Variants in STK25 observed in about 807,000 individuals in gnomAD.
The protein encoded by STK25 is serine/threonine-protein kinase 25.
Under a neutral mutation model 53.8 loss-of-function variants are expected in STK25, and 29 were observed. That is an observed-to-expected ratio of 0.54 (90% CI 0.40 to 0.74). The LOEUF (loss-of-function observed/expected upper bound fraction) is 0.74. STK25 is among the 30% of genes least tolerant of loss of function. The pLI is 0.00. For synonymous variants in STK25, 247 were observed against 238.3 expected (o/e 1.04, Z -0.33); for missense variants, 420 against 568.0 (o/e 0.74, Z 2.65).
At position 241,493,674 on chromosome 2, in the gene STK25, A is replaced by G. The variant is rs977527855; in HGVS notation, c.*1988T>C. On this transcript the variant is annotated 3_prime_UTR_variant, in exon 12 of 12. Coordinates refer to ENST00000316586, the MANE Select transcript of STK25 (RefSeq NM_001271977.2). Reference sequence around the variant, plus strand: ...CAGTGATACAATCTTGGCTCACTATAACCTGCACCTCCAGGGTTCAAGCGA... The same window carrying G: ...CAGTGATACAATCTTGGCTCACTATGACCTGCACCTCCAGGGTTCAAGCGA... The G allele has an allele frequency of 1.8e-6, 1 of 561,824 alleles. No homozygotes were observed. The highest frequency in any genetic ancestry group is 1.9e-5 in the African/African-American group (1 of 53,016). The allele number at this position is 561,824 out of a possible 1,614,324, so 34.8% of individuals were successfully genotyped here.
Position 241,496,098 on chromosome 2 carries a change from G to T in STK25, c.1241+300C>A, listed in dbSNP as rs1014474676. 2.6e-5 allele frequency among the ~76,000 whole-genome samples: 4 copies of T among 152,172 alleles called. No homozygotes were observed. Among genetic ancestry groups the T allele is most frequent in the African/African-American group, 9.7e-5 (4 of 41,446 alleles). On this transcript the variant is annotated intron_variant, in intron 11 of 11. Coordinates refer to ENST00000316586, the MANE Select transcript of STK25 (RefSeq NM_001271977.2). The surrounding 1 kb of genome is among the most constrained non-coding windows in gnomAD (Gnocchi z 5.8). ...CAGAGTAGCTCCCGGGAGCCACCAG[G>T]TGGAGGGGCAGAGGCCAGCTGAGGA... is the stretch of plus-strand genomic sequence containing the variant.
rs2065493216 is a variant in STK25 at position 241,501,253 on chromosome 2, C to G, written c.261+225G>C. ...CCCAGAGTGCTCCTAGCAGCGCCCT[C>G]ACTGCATTACCACAGGCAGGCAAGT... On this transcript the variant is annotated intron_variant, in intron 3 of 11. Coordinates refer to ENST00000316586, the MANE Select transcript of STK25 (RefSeq NM_001271977.2). The surrounding 1 kb of genome is among the most constrained non-coding windows in gnomAD (Gnocchi z 5.3). The G allele has an allele frequency of 1.6e-6, 1 of 610,452 alleles. No individual in the cohort carries two copies. The highest frequency in any genetic ancestry group is 3.0e-6 in the Non-Finnish European group (1 of 336,914). The allele number at this position is 610,452 out of a possible 1,614,324, so 37.8% of individuals were successfully genotyped here.
In STK25 at chr2:241,496,511, G is replaced by A. The variant is rs765575537; in HGVS notation, c.1128C>T (p.Ser376=). ...CCTCCAGCGCACCCACGCTCCCGCC[G>A]CTCTGCTTGTGCTTCTCTTTGAGCT... The part of the protein sequence containing the change: ...FGELKEKHKQ[S]GGSVGALEEL... The change falls in exon 11 of 12, where the codon AGC becomes AGT. Residue 376 remains serine, a synonymous_variant. Coordinates refer to ENST00000316586, the MANE Select transcript of STK25 (RefSeq NM_001271977.2). The surrounding 1 kb of genome is among the most constrained non-coding windows in gnomAD (Gnocchi z 5.8). The A allele has an allele frequency of 6.2e-6, 10 of 1,613,464 alleles. No homozygotes were observed. The highest frequency in any genetic ancestry group is 1.3e-5 in the African/African-American group (1 of 74,862).
intron 1 of STK25, 27 bp downstream of exon 1, chr2:241,508,416 A>T (rs935477801): frequency 8.6e-5 from 89 of 1,036,780 alleles, no homozygotes; most frequent in Non-Finnish European, 9.9e-5. Flanking sequence ...CAATCGCCGC[A>T]AGCGCCCCGC....
chr2:241,496,691 A>G lies in STK25; in HGVS notation c.1105-157T>C. The G allele has an allele frequency of 1.3e-6, 1 of 784,614 alleles. No individual in the cohort carries two copies. Among genetic ancestry groups the G allele is most frequent in the Non-Finnish European group, 2.0e-6 (1 of 508,102 alleles). 48.6% of individuals were successfully genotyped at this position (784,614 alleles called of 1,614,324 possible). On this transcript the variant is annotated intron_variant, in intron 10 of 11. Coordinates refer to ENST00000316586, the MANE Select transcript of STK25 (RefSeq NM_001271977.2). This position sits in a 1 kb window ranked among gnomAD's most constrained non-coding sequence, Gnocchi z 5.8. ...AGCAAGCCGGGAAGTGAGGTGGCCC[A>G]AGGAAGCCTCTGCCCCTGCCCTGCC...
rs938409171 is a variant in STK25, at chr2:241,495,358, G to C, written c.*304C>G. 1 of 402,026 alleles carries C rather than the reference G, an allele frequency of 2.5e-6. No individual in the cohort carries two copies. Among genetic ancestry groups the C allele is most frequent in the Non-Finnish European group, 4.6e-6 (1 of 216,706 alleles). 24.9% of individuals were successfully genotyped at this position (402,026 alleles called of 1,614,324 possible). ...GGCCATAGGGCTGCATGAGTCTGCA[G>C]AAGACCCAGGCGTAGCTCATGAGGG... is the stretch of plus-strand genomic sequence containing the variant. On this transcript the variant is annotated 3_prime_UTR_variant, in exon 12 of 12. Transcript: ENST00000316586.
Position 241,499,402 on chromosome 2 carries a change from AGCAC to A in STK25, c.436_439del (p.Val146TyrfsTer8), listed in dbSNP as rs1402421674. On this transcript the variant is annotated frameshift_variant, in exon 6 of 12. Coordinates refer to ENST00000316586, the MANE Select transcript of STK25 (RefSeq NM_001271977.2). LOFTEE classifies it high-confidence loss of function. Reference sequence around the variant, plus strand: ...CTTCACGTCACCCTGCTCCGAGAGTAGCACGTTGGCAGCTGCTTGACACAGGACA... The same window carrying A: ...CTTCACGTCACCCTGCTCCGAGAGTAGTTGGCAGCTGCTTGACACAGGACA... The A allele has an allele frequency of 6.2e-7, 1 of 1,613,738 alleles. No individual in the cohort carries two copies. Among genetic ancestry groups the A allele is most frequent in the Admixed American group, 1.7e-5 (1 of 59,988 alleles).
Position 241,499,793 on chromosome 2 carries a change from C to T in STK25, c.428-379G>A, listed in dbSNP as rs188797917. On this transcript the variant is annotated intron_variant, in intron 5 of 11. Coordinates refer to ENST00000316586, the MANE Select transcript of STK25 (RefSeq NM_001271977.2). ...CGTCCCCTACATGACAGAGATGGCT[C>T]GTTGCCAGTGGCAAGTCCCTCCCCA... is the stretch of plus-strand genomic sequence containing the variant. 13 of 459,304 alleles carry T rather than the reference C, an allele frequency of 2.8e-5. No homozygotes were observed. The East Asian group carries it at 3.6e-4, about 13-fold the overall frequency. The allele number at this position is 459,304 out of a possible 1,614,324, so 28.5% of individuals were successfully genotyped here. A position where few individuals can be genotyped will look rare whatever the true frequency, so the allele number is the denominator to read the frequency against.
intron 2 of STK25, among the ~76,000 whole-genome samples, chr2:241,507,239 C>A (rs1193548416): frequency 6.6e-6 from 1 of 152,176 alleles, no homozygotes. Flanking sequence ...AGTCCCCAGG[C>A]CCCAGGTTGG....
Position 241,498,284 on chromosome 2 carries a change from C to G in STK25, c.983G>C (p.Ser328Thr), listed in dbSNP as rs1441292661. 3.7e-6 allele frequency: 6 copies of G among 1,606,694 alleles called. No individual in the cohort carries two copies. The Admixed American group carries it at 1.0e-4, about 27-fold the overall frequency. Residue 328 changes from serine (S) to threonine (T), a missense_variant, in exon 9 of 12, where the codon AGT becomes ACT. Coordinates refer to ENST00000316586, the MANE Select transcript of STK25 (RefSeq NM_001271977.2). ...IWTFPPTIRP[S>T]PHSKLHKGTA... ...CCCCTTGTGAAGCTTGCTGTGTGGACTCGGCCGGATGGTAGGGGGGAACGT... is the reference window on the plus strand; with the variant it reads ...CCCCTTGTGAAGCTTGCTGTGTGGAGTCGGCCGGATGGTAGGGGGGAACGT...
intron 8 of STK25, 55 bp from the exon 9 acceptor site, chr2:241,498,404 G>A: frequency 6.9e-7 from 1 of 1,456,542 alleles, no homozygotes; most frequent in Non-Finnish European, 9.4e-7. Flanking sequence ...GGAGGCATGA[G>A]GGCCTCAGGG....
chr2:241,505,747 T>A (rs538914869), intron 2 of STK25, among the ~76,000 whole-genome samples: 1 of 152,204 alleles, frequency 6.6e-6, no homozygotes, highest in Non-Finnish European at 1.5e-5. Context: ...GGAACCCTCT[T>A]GGCTGTGATC....
Position 241,501,142 on chromosome 2 carries a change from G to A in STK25, c.261+336C>T. ...CACCCATCACCCTCCTGGGCAGGATGGCCACAGCGTTCCCTACACCCCAGA... is the reference window on the plus strand; with the variant it reads ...CACCCATCACCCTCCTGGGCAGGATAGCCACAGCGTTCCCTACACCCCAGA... On this transcript the variant is annotated intron_variant, in intron 3 of 11. Coordinates refer to ENST00000316586, the MANE Select transcript of STK25 (RefSeq NM_001271977.2). This position sits in a 1 kb window ranked among gnomAD's most constrained non-coding sequence, Gnocchi z 5.3. 1.8e-6 allele frequency: 1 copy of A among 547,086 alleles called. No homozygotes were observed. The highest frequency in any genetic ancestry group is 2.0e-5 in the South Asian group (1 of 49,312). 33.9% of individuals were successfully genotyped at this position (547,086 alleles called of 1,614,324 possible). A position where few individuals can be genotyped will look rare whatever the true frequency, so the allele number is the denominator to read the frequency against.
chr2:241,495,743 T>A, intron 11 of STK25, 42 bp from the exon 12 acceptor site: 2 of 1,611,540 alleles, frequency 1.2e-6, no homozygotes, highest in Non-Finnish European at 1.7e-6. Context: ...TGCACCTCTG[T>A]GCCCAGGCTC....
chr2:241,494,445 A>G lies in STK25; in HGVS notation c.*1217T>C. On this transcript the variant is annotated 3_prime_UTR_variant, in exon 12 of 12. Transcript: ENST00000316586. The surrounding 1 kb of genome is among the most constrained non-coding windows in gnomAD (Gnocchi z 4.9). The stretch of plus-strand genomic sequence containing the variant: ...TGAGCAGTGCTCTCGGCATCGGACC[A>G]AAGCCTGGGCACACCCTGCCTCTCT... 5.0e-6 allele frequency: 1 copy of G among 200,782 alleles called. No individual in the cohort carries two copies. The allele number at this position is 200,782 out of a possible 1,614,324, so 12.4% of individuals were successfully genotyped here.
At position 241,493,035 on chromosome 2, in the gene STK25, A is replaced by G. The variant is rs758937524; in HGVS notation, c.*2627T>C. 7 of 1,541,442 alleles carry G rather than the reference A, an allele frequency of 4.5e-6. No individual in the cohort carries two copies. Among genetic ancestry groups the G allele is most frequent in the Non-Finnish European group, 6.3e-6 (7 of 1,113,678 alleles). On this transcript the variant is annotated 3_prime_UTR_variant, in exon 12 of 12. Transcript: ENST00000316586. ...TGTTTGTTCTTCTACAAAACTCATC[A>G]GGTACTGGAGTTTCACTGGAGCCCA...
intron 2 of STK25, among the ~76,000 whole-genome samples, chr2:241,505,525 C>T (rs551820684): frequency 2.2e-4 from 33 of 152,308 alleles, no homozygotes; most frequent in African/African-American, 6.7e-4. Context: ...CTCTGGATGA[C>T]GCGTCCTCCC....
In STK25 at chr2:241,495,567, CAT is replaced by C; in HGVS notation, c.*93_*94del. On this transcript the variant is annotated 3_prime_UTR_variant, in exon 12 of 12. Transcript: ENST00000316586. ...ATCCGACGTGTCCCTGCAGGCACGA[CAT>C]AGCACAGGGCACCTTCCAAGTCAGC... The C allele has an allele frequency of 7.0e-7, 1 of 1,433,374 alleles. No individual in the cohort carries two copies. Among genetic ancestry groups the C allele is most frequent in the Non-Finnish European group, 9.8e-7 (1 of 1,017,288 alleles). 88.8% of individuals were successfully genotyped at this position (1,433,374 alleles called of 1,614,324 possible). A position where few individuals can be genotyped will look rare whatever the true frequency, so the allele number is the denominator to read the frequency against.
intron 2 of STK25, among the ~76,000 whole-genome samples, chr2:241,507,102 C>T (rs1230870187): frequency 6.6e-6 from 1 of 152,208 alleles, no homozygotes; most frequent in Non-Finnish European, 1.5e-5. Context: ...AGGAGGGCCA[C>T]ACATTTTAGC....
Sources: allele counts gnomAD v4.1 joint callset (sites outside exome capture counted in the v4.1 genomes callset), GRCh38; gene constraint gnomAD v4.1.1; non-coding constraint Gnocchi (gnomAD v3.1); transcripts MANE v1.5; gene names NCBI Gene and HGNC (gene_info 2026-07-23, HGNC 2026-07-21).